Variants in CPO observed in about 807,000 individuals in gnomAD.
The protein encoded by CPO is carboxypeptidase O, also known as metallocarboxypeptidase C.
Under a neutral mutation model 41.2 loss-of-function variants are expected in CPO, and 43 were observed. The observed-to-expected ratio is 1.04, with a 90% CI of 0.82 to 1.35. The LOEUF (loss-of-function observed/expected upper bound fraction) is 1.35, where lower values mean the gene tolerates loss of function less well. Among genes scored for constraint, CPO ranks in the 40% most tolerant of loss-of-function variants. The pLI is 0.00. For synonymous variants in CPO, 178 were observed against 162.7 expected (o/e 1.09, Z -0.72); for missense variants, 408 against 451.7 (o/e 0.90, Z 0.88).
chr2:206,958,971 C>T (rs1693427725), intron 4 of CPO, among the ~76,000 whole-genome samples: 1 of 151,702 alleles, frequency 6.6e-6, no homozygotes, highest in South Asian at 2.1e-4. Context: ...GAACCCCCGA[C>T]CTCAGGTGAT....
intron 4 of CPO, 111 bp from the exon 5 acceptor site, chr2:206,959,519 AG>A (rs754774576): frequency 2.9e-5 from 18 of 619,770 alleles, no homozygotes; most frequent in Non-Finnish European, 5.0e-5. Context: ...TGGGGACTGG[AG>A]GGTGGAGGTG....
rs912860832 is a variant in CPO at position 206,939,592 on chromosome 2, G to C, written c.-8G>C. 1.9e-6 allele frequency: 3 copies of C among 1,610,156 alleles called. No individual in the cohort carries two copies. Among genetic ancestry groups the C allele is most frequent in the Non-Finnish European group, 2.5e-6 (3 of 1,177,206 alleles). On this transcript the variant is annotated 5_prime_UTR_variant, in exon 1 of 9. Coordinates refer to ENST00000272852, the MANE Select transcript of CPO (RefSeq NM_173077.3). ...GGCCCAGAATTTTCTAACTTACTGT[G>C]TGGCAGAATGAAGCCTCTGCTTGAA...
chr2:206,955,033 C>T (rs1260281480), intron 2 of CPO, among the ~76,000 whole-genome samples: 2 of 152,148 alleles, frequency 1.3e-5, no homozygotes, highest in Non-Finnish European at 2.9e-5. Flanking sequence ...CCCAGCCAAA[C>T]CATATCACAT....
rs150814545 is a variant in CPO, at chr2:206,962,533, C to T, written c.696C>T (p.Phe232=). 2 of 1,614,034 alleles carry T rather than the reference C, an allele frequency of 1.2e-6. No individual in the cohort carries two copies. Among genetic ancestry groups the T allele is most frequent in the African/African-American group, 1.3e-5 (1 of 74,924 alleles). The change falls in exon 7 of 9, where the codon TTC becomes TTT. Residue 232 remains phenylalanine (F), a synonymous_variant. Coordinates refer to ENST00000272852, the MANE Select transcript of CPO (RefSeq NM_173077.3). The part of the protein sequence containing the change: ...IESKKDDILC[F]LTMHSYGQLI... The stretch of plus-strand genomic sequence containing the variant: ...GCAAGAAGGATGATATTTTGTGCTT[C>T]CTGACCATGCACTCTTATGGGCAGT...
intron 2 of CPO, among the ~76,000 whole-genome samples, chr2:206,954,264 T>C (rs1352453495): frequency 2.0e-5 from 3 of 152,184 alleles, no homozygotes; most frequent in Non-Finnish European, 4.4e-5. Flanking sequence ...TTTCCAAAAC[T>C]TTATGCTCTG....
intron 1 of CPO, among the ~76,000 whole-genome samples, chr2:206,947,407 T>G (rs28533093): frequency 0.049 from 7,459 of 152,240 alleles, 566 homozygotes; most frequent in African/African-American, 0.17. Flanking sequence ...TAATTCAAAA[T>G]GTATCATAGA....
intron 1 of CPO, among the ~76,000 whole-genome samples, chr2:206,943,634 C>T (rs1452775548): frequency 7.1e-6 from 1 of 140,208 alleles, no homozygotes; most frequent in Non-Finnish European, 1.6e-5. Context: ...ATAGTATTTA[C>T]CTTAAGAATT....
chr2:206,955,691 C>A (rs895900765), intron 3 of CPO, 127 bp downstream of exon 3: 5 of 651,940 alleles, frequency 7.7e-6, no homozygotes, highest in Admixed American at 4.6e-5. Flanking sequence ...TTTTTCCACC[C>A]CAAATGGGGC....
intron 1 of CPO, 57 bp downstream of exon 1, chr2:206,939,724 A>G (rs1692994792): frequency 6.7e-7 from 1 of 1,499,408 alleles, no homozygotes; most frequent in Non-Finnish European, 9.2e-7. Flanking sequence ...TCTAAATTGA[A>G]TGGTTTCTTT....
intron 1 of CPO, among the ~76,000 whole-genome samples, chr2:206,941,653 A>G (rs1017703695): frequency 2.6e-5 from 4 of 152,072 alleles, no homozygotes; most frequent in East Asian, 1.9e-4. Flanking sequence ...GGCTGTTTTT[A>G]TTTAAATTAT....
Position 206,961,175 on chromosome 2 carries a change from C to G in CPO, c.574+233C>G, listed in dbSNP as rs529467265. ...CTGGCTAAACAAGAAAAAAGTAGAC[C>G]TAGACCAGTGTGAATATATTTCAAA... On this transcript the variant is annotated intron_variant, in intron 6 of 8. Coordinates refer to ENST00000272852, the MANE Select transcript of CPO (RefSeq NM_173077.3). Among the ~76,000 whole-genome samples the G allele has an allele frequency of 2.6e-5, 4 of 152,214 alleles. No individual in the cohort carries two copies. In the South Asian group the frequency reaches 8.3e-4, roughly 32 times the overall value.
chr2:206,969,206 C>G lies in CPO; in HGVS notation c.895C>G (p.Arg299Gly), dbSNP rs112868011. The stretch of plus-strand genomic sequence containing the variant: ...ATCAGGGTCTTCAAGAGATTGGGCC[C>G]GAGACATTGGGATTCCCTTCTCATA... The part of the protein sequence containing the change: ...ASSGSSRDWA[R>G]DIGIPFSYTF... The change falls in exon 9 of 9, where the codon CGA becomes GGA. Residue 299 changes from arginine (R) to glycine (G), a missense_variant. By Grantham distance (125) the Arg-to-Gly change is moderately radical. Coordinates refer to ENST00000272852, the MANE Select transcript of CPO (RefSeq NM_173077.3). 2.5e-6 allele frequency: 4 copies of G among 1,613,980 alleles called. No homozygotes were observed. The highest frequency in any genetic ancestry group is 1.7e-5 in the Admixed American group (1 of 60,004).
At chr2:206,944,518 C>A (rs891065270) in intron 1 of CPO, among the ~76,000 whole-genome samples, 5 of 151,956 alleles carry the variant, frequency 3.3e-5, no homozygotes, top group African/African-American at 1.2e-4. Context: ...TCAGCTATTA[C>A]AATGTAAATA....
At chr2:206,957,040 A>G (rs1693381051) in intron 3 of CPO, among the ~76,000 whole-genome samples, 1 of 152,222 alleles carries the variant, frequency 6.6e-6, no homozygotes, top group Admixed American at 6.5e-5. Flanking sequence ...GTTGATAAAG[A>G]TAAACATGTA....
chr2:206,968,912 C>T (rs1345760058), intron 8 of CPO, among the ~76,000 whole-genome samples: 1 of 152,214 alleles, frequency 6.6e-6, no homozygotes, highest in Non-Finnish European at 1.5e-5. Context: ...GTCAGTGACT[C>T]AGCTAAGAAA....
chr2:206,950,477 G>A (rs879235632), intron 2 of CPO, among the ~76,000 whole-genome samples: 1 of 152,192 alleles, frequency 6.6e-6, no homozygotes, highest in Non-Finnish European at 1.5e-5. Context: ...TACACTGTTG[G>A]TAGGAGTGTA....
At chr2:206,952,907 C>T (rs1271321667) in intron 2 of CPO, among the ~76,000 whole-genome samples, 1 of 152,172 alleles carries the variant, frequency 6.6e-6, no homozygotes, top group East Asian at 1.9e-4. Flanking sequence ...GTATGTCTGA[C>T]ATGGCAGCAG....
chr2:206,964,035 C>T (rs749677331), intron 7 of CPO, among the ~76,000 whole-genome samples: 2 of 152,166 alleles, frequency 1.3e-5, no homozygotes, highest in African/African-American at 4.8e-5. Flanking sequence ...TAAACATGCT[C>T]CTCTTTCTAT....
chr2:206,960,738 T>G (rs1693462982), intron 5 of CPO, 114 bp from the exon 6 acceptor site: 5 of 780,898 alleles, frequency 6.4e-6, no homozygotes, highest in Non-Finnish European at 1.1e-5. Flanking sequence ...TAAAGGGAAG[T>G]TCTTCCAGAT....
Sources: gnomAD v4.1 joint callset for allele counts (sites outside exome capture counted in the v4.1 genomes callset) on GRCh38, gnomAD v4.1.1 for gene constraint, MANE v1.5 for transcripts, NCBI Gene and HGNC (gene_info 2026-07-23, HGNC 2026-07-21) for gene names.